ANTXRL: variants seen among roughly 807,000 people sequenced by gnomAD.
ANTXRL encodes ANTXR like.
ANTXRL carries 63 observed loss-of-function variants against 75.4 expected under a neutral mutation model. The ratio of observed to expected loss-of-function variants is 0.84; its 90% CI spans 0.68 to 1.03. The LOEUF is 1.03. Among genes scored for constraint, ANTXRL ranks in the 50% least tolerant of loss-of-function variants. The probability of loss-of-function intolerance (pLI) is 0.00; values close to 1 mark genes in which losing one functional copy is unlikely to be tolerated. For missense variants in ANTXRL, 797 were observed against 789.4 expected, an observed-to-expected ratio of 1.01 and a Z score of -0.12; for synonymous variants, 335 against 291.3, an observed-to-expected ratio of 1.15 and a Z score of -1.53.
chr10:46,324,202 T>C (rs1054989286), intron 16 of ANTXRL, among the ~76,000 whole-genome samples: 34 of 152,120 alleles, frequency 2.2e-4, no homozygotes, highest in African/African-American at 7.7e-4. Flanking sequence ...CAGTAGAATG[T>C]CCAGAAGACT....
chr10:46,307,756 T>C (rs1190100464), intron 12 of ANTXRL, among the ~76,000 whole-genome samples: 2 of 152,144 alleles, frequency 1.3e-5, no homozygotes, highest in Admixed American at 6.5e-5. Flanking sequence ...ATGTGTGTGC[T>C]GCTGAACTGG....
At chr10:46,319,106 A>G (rs902975734) in intron 16 of ANTXRL, among the ~76,000 whole-genome samples, 2 of 152,200 alleles carry the variant, frequency 1.3e-5, no homozygotes, top group Non-Finnish European at 2.9e-5. Flanking sequence ...TTGTTTATGT[A>G]CTGAGTTAGG....
Position 46,313,300 on chromosome 10 carries a change from G to A in ANTXRL, c.1394G>A (p.Cys465Tyr). The change falls in exon 16 of 17, where the codon TGT (cysteine) becomes TAT (tyrosine). Residue 465 changes from cysteine to tyrosine, a missense_variant. Cys to Tyr is a radical substitution (Grantham distance 194). This residue lies in a region of ANTXRL where 479 missense variants were observed against 422.0 expected (regional missense o/e 1.14). Coordinates refer to ENST00000620264, the MANE Select transcript of ANTXRL (RefSeq NM_001278688.3). ...ASCHQVPWMC[C>Y]QSRDQGRYLS... is the part of the protein sequence containing the mutation. ...TGCCACCAGGTGCCATGGATGTGTT[G>A]TCAGAGCAGGGACCAGGTGAGCTAG... The A allele has an allele frequency of 2.0e-6, 3 of 1,535,928 alleles. No individual in the cohort carries two copies. The highest frequency in any genetic ancestry group is 1.4e-5 in the African/African-American group (1 of 73,146).
In ANTXRL at chr10:46,292,711, A is replaced by T. The variant is rs11259777; in HGVS notation, c.320+582A>T. 5 of 158,228 alleles carry T rather than the reference A, an allele frequency of 3.2e-5. No homozygotes were observed. In the South Asian group the frequency reaches 9.1e-4, roughly 29 times the overall value. The allele number at this position is 158,228 out of a possible 1,614,324, so 9.8% of individuals were successfully genotyped here. A position where few individuals can be genotyped will look rare whatever the true frequency, so the allele number is the denominator to read the frequency against. On this transcript the variant is annotated intron_variant, in intron 2 of 16. Coordinates refer to ENST00000620264, the MANE Select transcript of ANTXRL (RefSeq NM_001278688.3). ...CATTATGCCAGGCCAAGGAGCTGGGATTTCCTGCTCTGAGCCATAGAGAGC... is the reference window on the plus strand; with the variant it reads ...CATTATGCCAGGCCAAGGAGCTGGGTTTTCCTGCTCTGAGCCATAGAGAGC...
intron 2 of ANTXRL, among the ~76,000 whole-genome samples, chr10:46,293,374 G>C (rs1318278111): frequency 7.0e-6 from 1 of 143,522 alleles, no homozygotes; most frequent in East Asian, 2.1e-4. Context: ...GAGTGTGCCT[G>C]TGTGTGAGTG....
chr10:46,325,643 C>T (rs971367235), intron 16 of ANTXRL, among the ~76,000 whole-genome samples: 3 of 152,136 alleles, frequency 2.0e-5, no homozygotes, highest in Admixed American at 6.5e-5. Flanking sequence ...ATTTTGAGCA[C>T]AAAATATTTC....
At chr10:46,307,331 C>G in intron 11 of ANTXRL, 71 bp from the exon 12 acceptor site, 3 of 1,092,116 alleles carry the variant, frequency 2.7e-6, no homozygotes, top group Non-Finnish European at 4.0e-6. Context: ...CTCTCATTAC[C>G]CATGCTGTCC....
intron 16 of ANTXRL, among the ~76,000 whole-genome samples, chr10:46,325,169 CCTGT>C (rs1466106465): frequency 1.3e-5 from 2 of 151,990 alleles, no homozygotes; most frequent in Non-Finnish European, 2.9e-5. Flanking sequence ...ATCCCTGAGC[CCTGT>C]CTATTTTTAT....
At chr10:46,319,646 C>G (rs1838889511) in intron 16 of ANTXRL, among the ~76,000 whole-genome samples, 1 of 152,138 alleles carries the variant, frequency 6.6e-6, no homozygotes, top group Admixed American at 6.6e-5. Flanking sequence ...TTTGTAGAGG[C>G]ATTCATCTTT....
At chr10:46,308,571 CT>C (rs1838240066) in intron 12 of ANTXRL, 1 of 402,132 alleles carries the variant, frequency 2.5e-6, no homozygotes, top group African/African-American at 2.1e-5. Context: ...GTTCCCGTTG[CT>C]TATACCCCAT....
In ANTXRL at chr10:46,306,455, TC is replaced by T. The variant is rs201953075; in HGVS notation, c.896-345del. On this transcript the variant is annotated intron_variant, in intron 10 of 16. Coordinates refer to ENST00000620264, the MANE Select transcript of ANTXRL (RefSeq NM_001278688.3). ...GAAGTCATGCATAATGAAGCGGCTG[TC>T]CCTTCCTCTCTGGTTCCCTCACCTC... Among the ~76,000 whole-genome samples, 8 of 152,292 alleles carry T rather than the reference TC, an allele frequency of 5.3e-5. No individual in the cohort carries two copies. In the East Asian group the frequency reaches 1.5e-3, roughly 29 times the overall value.
In ANTXRL at chr10:46,297,527, G is replaced by A. The variant is rs1554959203; in HGVS notation, c.654+53G>A. 1.6e-5 allele frequency: 24 copies of A among 1,522,802 alleles called. 1 individual carries two copies. The South Asian group carries it at 1.7e-4, about 11-fold the overall frequency. 94.3% of individuals were successfully genotyped at this position (1,522,802 alleles called of 1,614,324 possible). On this transcript the variant is annotated intron_variant, in intron 7 of 16. Coordinates refer to ENST00000620264, the MANE Select transcript of ANTXRL (RefSeq NM_001278688.3). The stretch of plus-strand genomic sequence containing the variant: ...ACTTTCAAGCCTAGTGGTCACTTTC[G>A]AGCCAACCGTCCCGGGCCACCCCAA...
chr10:46,327,192 G>A (rs1388367859), intron 16 of ANTXRL, among the ~76,000 whole-genome samples: 11 of 152,144 alleles, frequency 7.2e-5, no homozygotes, highest in African/African-American at 2.7e-4. Flanking sequence ...TCTTCTAGTA[G>A]CTGGGCTGTG....
intron 16 of ANTXRL, among the ~76,000 whole-genome samples, chr10:46,321,575 C>T (rs1554965615): frequency 6.6e-6 from 1 of 152,102 alleles, no homozygotes; most frequent in East Asian, 1.9e-4. Flanking sequence ...AAGCAATTTT[C>T]CTCTGACATA....
chr10:46,305,465 G>A (rs190971570), intron 10 of ANTXRL, among the ~76,000 whole-genome samples: 22 of 152,320 alleles, frequency 1.4e-4, no homozygotes, highest in African/African-American at 5.3e-4. Context: ...GGAAAATGAG[G>A]AGGATGCCAT....
intron 1 of ANTXRL, among the ~76,000 whole-genome samples, chr10:46,287,810 A>T (rs1836826220): frequency 1.3e-5 from 2 of 152,114 alleles, no homozygotes; most frequent in Non-Finnish European, 2.9e-5. Flanking sequence ...GCAACAGATG[A>T]TTGCTCGGAC....
chr10:46,311,785 G>A (rs1372639487), intron 15 of ANTXRL, 120 bp downstream of exon 15: 3 of 569,294 alleles, frequency 5.3e-6, no homozygotes, highest in Middle Eastern at 8.3e-4. Context: ...ACAGGGGCTG[G>A]ACTTTGGACA....
chr10:46,311,814 C>G (rs1554963642), intron 15 of ANTXRL, 149 bp downstream of exon 15: 2 of 557,844 alleles, frequency 3.6e-6, no homozygotes, highest in Non-Finnish European at 6.3e-6. Context: ...CAAGAGCAAC[C>G]AGATGCCCAC....
intron 16 of ANTXRL, among the ~76,000 whole-genome samples, chr10:46,328,803 GCTGGGCCCA>G (rs1839351084): frequency 1.3e-5 from 2 of 152,042 alleles, no homozygotes; most frequent in African/African-American, 4.8e-5. Context: ...GTTTGGTATT[GCTGGGCCCA>G]TTTAAGAGAT....
Sources: allele counts gnomAD v4.1 joint callset (sites outside exome capture counted in the v4.1 genomes callset), GRCh38; gene constraint gnomAD v4.1.1; regional missense constraint gnomAD v4.1.1; transcripts MANE v1.5; gene names NCBI Gene and HGNC (gene_info 2026-07-23, HGNC 2026-07-21).